PPP1R12A: variants seen among roughly 807,000 people sequenced by gnomAD.
The protein encoded by PPP1R12A is protein phosphatase 1 regulatory subunit 12A, also known as myosin binding subunit.
PPP1R12A carries 19 observed loss-of-function variants against 139.6 expected under a neutral mutation model. That is an observed-to-expected ratio of 0.14 (90% CI 0.09 to 0.20). The LOEUF is 0.20. Ranked by LOEUF, PPP1R12A falls within the 10% of genes least tolerant of loss-of-function variation. PPP1R12A has a pLI of 1.00. For synonymous variants in PPP1R12A, 427 were observed against 420.6 expected (o/e 1.02, Z -0.19); for missense variants, 925 against 1,211.5 (o/e 0.76, Z 3.51).
At chr12:79,891,691 C>A (rs892480320) in intron 1 of PPP1R12A, among the ~76,000 whole-genome samples, 4 of 152,130 alleles carry the variant, frequency 2.6e-5, no homozygotes, top group African/African-American at 9.7e-5. Context: ...TAAGATGTCA[C>A]TTCTGAGATT....
intron 14 of PPP1R12A, among the ~76,000 whole-genome samples, chr12:79,799,370 G>A (rs571395879): frequency 1.3e-5 from 2 of 152,166 alleles, no homozygotes; most frequent in East Asian, 3.9e-4. Context: ...GGCTGGTCTC[G>A]AACTCCTGAC....
At chr12:79,822,261 G>T in intron 5 of PPP1R12A, 71 bp from the exon 6 acceptor site, 2 of 1,085,128 alleles carry the variant, frequency 1.8e-6, no homozygotes, top group Non-Finnish European at 2.7e-6. Context: ...CAGTAATTCT[G>T]TATAATTTTA....
chr12:79,877,092 G>T (rs1359251614), intron 1 of PPP1R12A, among the ~76,000 whole-genome samples: 1 of 152,136 alleles, frequency 6.6e-6, no homozygotes, highest in East Asian at 1.9e-4. Flanking sequence ...CACAAATTTT[G>T]TGGCTGTGAA....
intron 1 of PPP1R12A, among the ~76,000 whole-genome samples, chr12:79,893,739 A>G (rs1884877895): frequency 1.3e-5 from 2 of 152,204 alleles, no homozygotes; most frequent in South Asian, 2.1e-4. Context: ...TTCCTACATG[A>G]AAAATGTGTA....
intron 14 of PPP1R12A, among the ~76,000 whole-genome samples, chr12:79,799,167 G>C (rs1022023430): frequency 1.3e-5 from 2 of 148,612 alleles, no homozygotes; most frequent in South Asian, 4.3e-4. Flanking sequence ...GTTTTTTTTT[G>C]AGACAAAGTC....
chr12:79,795,022 G>C (rs1178595301), intron 18 of PPP1R12A, among the ~76,000 whole-genome samples: 1 of 152,000 alleles, frequency 6.6e-6, no homozygotes, highest in African/African-American at 2.4e-5. Context: ...TCATCATTCT[G>C]AGTGGTGATT....
intron 1 of PPP1R12A, among the ~76,000 whole-genome samples, chr12:79,874,088 C>T (rs1169219846): frequency 6.6e-6 from 1 of 151,962 alleles, no homozygotes; most frequent in Non-Finnish European, 1.5e-5. Flanking sequence ...CCATCCTGGC[C>T]AACATGGTGA....
intron 1 of PPP1R12A, among the ~76,000 whole-genome samples, chr12:79,923,797 C>G (rs1032677573): frequency 2.0e-5 from 3 of 152,122 alleles, no homozygotes. Context: ...AATCGCAGCA[C>G]TTTGGGAGGC....
intron 2 of PPP1R12A, among the ~76,000 whole-genome samples, chr12:79,855,309 C>T (rs139181581): frequency 2.4e-4 from 37 of 152,180 alleles, no homozygotes; most frequent in African/African-American, 8.7e-4. Flanking sequence ...ATTATTAATA[C>T]AGGTCTATTA....
At chr12:79,857,432 TG>T (rs1203429397) in intron 2 of PPP1R12A, among the ~76,000 whole-genome samples, 2 of 117,892 alleles carry the variant, frequency 1.7e-5, no homozygotes, top group African/African-American at 6.8e-5. Flanking sequence ...GGGACTGTTG[TG>T]GGGTGGGGGG....
At chr12:79,864,598 G>A (rs1352072499) in intron 2 of PPP1R12A, among the ~76,000 whole-genome samples, 1 of 151,988 alleles carries the variant, frequency 6.6e-6, no homozygotes, top group East Asian at 1.9e-4. Context: ...CTAATAAAGA[G>A]AGAAGAATCC....
At chr12:79,858,127 A>T (rs1880897786) in intron 2 of PPP1R12A, among the ~76,000 whole-genome samples, 1 of 152,218 alleles carries the variant, frequency 6.6e-6, no homozygotes, top group Non-Finnish European at 1.5e-5. Context: ...ATAAAATTGA[A>T]ATTCATGGAT....
intron 1 of PPP1R12A, among the ~76,000 whole-genome samples, chr12:79,892,869 C>T (rs1884786203): frequency 6.6e-6 from 1 of 152,080 alleles, no homozygotes; most frequent in Non-Finnish European, 1.5e-5. Context: ...TTTGGAAGGC[C>T]AAGGTGGGCG....
At chr12:79,856,039 T>C (rs978016828) in intron 2 of PPP1R12A, among the ~76,000 whole-genome samples, 2 of 152,192 alleles carry the variant, frequency 1.3e-5, no homozygotes, top group Non-Finnish European at 2.9e-5. Context: ...CCAAGACTTA[T>C]CAATTCTATT....
intron 1 of PPP1R12A, among the ~76,000 whole-genome samples, chr12:79,875,959 T>G (rs1261224983): frequency 6.6e-6 from 1 of 152,178 alleles, no homozygotes; most frequent in East Asian, 1.9e-4. Flanking sequence ...GATATTAATG[T>G]CAGACTGTAA....
chr12:79,797,527 T>C (rs1872625597), intron 15 of PPP1R12A, 132 bp from the exon 16 acceptor site: 1 of 821,392 alleles, frequency 1.2e-6, no homozygotes, highest in Non-Finnish European at 1.9e-6. Flanking sequence ...GGTTTGCAAA[T>C]GGAAACAGCA....
At position 79,805,572 on chromosome 12, in the gene PPP1R12A, C is replaced by G. The variant is rs754921266; in HGVS notation, c.2000+20G>C. 1 of 1,606,826 alleles carries G rather than the reference C, an allele frequency of 6.2e-7. No homozygotes were observed. On this transcript the variant is annotated intron_variant, in intron 14 of 24. Transcript: ENST00000450142. ...CACTGGGCAAGATATATCAGCAGTA[C>G]TGTTATGACCTTTACACACCTGCGT...
chr12:79,798,518 T>G lies in PPP1R12A; in HGVS notation c.2067A>C (p.Ala689=), dbSNP rs921664668. The stretch of plus-strand genomic sequence containing the variant: ...CCTGTGTTGATCTTCTAGATTGTCT[T>G]GCTTGTCTAGATCTTGCTTTTCTTT... ...ESQRKARSRQ[A]RQSRRSTQGV... is the part of the protein sequence containing the mutation. The change falls in exon 15 of 25, where the codon GCA becomes GCC. Residue 689 remains alanine (A), a synonymous_variant. Transcript: ENST00000450142. 1 of 1,563,956 alleles carries G rather than the reference T, an allele frequency of 6.4e-7. No homozygotes were observed. Among genetic ancestry groups the G allele is most frequent in the African/African-American group, 1.4e-5 (1 of 74,052 alleles).
intron 4 of PPP1R12A, among the ~76,000 whole-genome samples, chr12:79,831,873 A>G (rs1592683341): frequency 6.6e-6 from 1 of 152,340 alleles, no homozygotes; most frequent in East Asian, 1.9e-4. Context: ...TGCTAATAGT[A>G]CTAAGTTCCA....
Sources: gnomAD v4.1 joint callset for allele counts (sites outside exome capture counted in the v4.1 genomes callset) on GRCh38, gnomAD v4.1.1 for gene constraint, MANE v1.5 for transcripts, NCBI Gene and HGNC (gene_info 2026-07-23, HGNC 2026-07-21) for gene names.